CSTPP1: variants seen among roughly 807,000 people sequenced by gnomAD.
The protein encoded by CSTPP1 is centriolar satellite-associated tubulin polyglutamylase complex regulator 1, also known as UPF0705 protein C11orf49.
At chr11:47,129,928 C>A in the CSTPP1 span, among the ~76,000 whole-genome samples, 15 of 152,126 alleles carry the variant, frequency 9.9e-5, no homozygotes, top group Non-Finnish European at 1.5e-5. Flanking sequence ...AAATACATTT[C>A]TAGCTTGGTG....
the CSTPP1 span, among the ~76,000 whole-genome samples, chr11:47,102,774 G>C: frequency 1.3e-5 from 2 of 152,288 alleles, no homozygotes; most frequent in East Asian, 3.9e-4. Flanking sequence ...GAGAGGAACT[G>C]AGTTCATAGA....
the CSTPP1 span, chr11:47,156,991 C>T: frequency 6.2e-7 from 1 of 1,611,366 alleles, no homozygotes; most frequent in Non-Finnish European, 8.5e-7. Flanking sequence ...CCTGAGCCGT[C>T]CACACCCACA....
At chr11:47,105,653 G>A in the CSTPP1 span, among the ~76,000 whole-genome samples, 1 of 152,210 alleles carries the variant, frequency 6.6e-6, no homozygotes, top group Non-Finnish European at 1.5e-5. Context: ...AGATGAGGAA[G>A]TTGAAACTCA....
the CSTPP1 span, among the ~76,000 whole-genome samples, chr11:47,138,214 G>C: frequency 6.6e-6 from 1 of 152,192 alleles, no homozygotes; most frequent in East Asian, 1.9e-4. Flanking sequence ...TCACATGGTG[G>C]TAGGAGAGAG....
chr11:46,959,466 A>G, the CSTPP1 span, among the ~76,000 whole-genome samples: 1 of 152,126 alleles, frequency 6.6e-6, no homozygotes, highest in Non-Finnish European at 1.5e-5. Context: ...TAAACCTTTA[A>G]TTTTAAACCT....
the CSTPP1 span, among the ~76,000 whole-genome samples, chr11:47,040,840 G>T: frequency 2.4e-5 from 3 of 126,856 alleles, no homozygotes; most frequent in Admixed American, 8.5e-5. Flanking sequence ...AGACCACAGG[G>T]TCATTCTCAG....
the CSTPP1 span, among the ~76,000 whole-genome samples, chr11:47,036,034 G>GATATATATATATATAT: frequency 2.9e-3 from 74 of 25,358 alleles, 5 homozygotes; most frequent in African/African-American, 4.7e-3. Flanking sequence ...GGAGTGAAAA[G>GATATATATATATATAT]ATATATATAT....
the CSTPP1 span, among the ~76,000 whole-genome samples, chr11:47,118,799 A>C: frequency 6.6e-6 from 1 of 152,130 alleles, no homozygotes; most frequent in Non-Finnish European, 1.5e-5. Context: ...AGAACAGCAA[A>C]TATTGCTGCC....
chr11:47,040,431 C>A, the CSTPP1 span, among the ~76,000 whole-genome samples: 3 of 126,568 alleles, frequency 2.4e-5, 1 homozygote, highest in Non-Finnish European at 5.6e-5. Context: ...AGACTCCCTC[C>A]CTGCTTCCTG....
chr11:47,156,529 G>A, the CSTPP1 span, among the ~76,000 whole-genome samples: 1 of 152,242 alleles, frequency 6.6e-6, no homozygotes, highest in Non-Finnish European at 1.5e-5. Context: ...GAGGTAGAGA[G>A]GCAGGTGGCC....
chr11:47,037,850 A>C, the CSTPP1 span, among the ~76,000 whole-genome samples: 1 of 127,024 alleles, frequency 7.9e-6, no homozygotes, highest in African/African-American at 2.5e-5. Context: ...CCCCCTTTCT[A>C]TTCCACAAAA....
the CSTPP1 span, among the ~76,000 whole-genome samples, chr11:47,016,967 C>T: frequency 5.7e-4 from 85 of 149,760 alleles, no homozygotes; most frequent in African/African-American, 1.9e-3. Context: ...CTCAGCCTCC[C>T]GAGTAGCTGG....
At chr11:47,144,866 G>A in the CSTPP1 span, among the ~76,000 whole-genome samples, 10 of 151,798 alleles carry the variant, frequency 6.6e-5, no homozygotes, top group East Asian at 1.4e-3. Flanking sequence ...CATCCCCAGA[G>A]TTCAGTAGGT....
At chr11:47,126,466 TAAA>T in the CSTPP1 span, among the ~76,000 whole-genome samples, 4 of 151,530 alleles carry the variant, frequency 2.6e-5, no homozygotes, top group African/African-American at 9.7e-5. Flanking sequence ...CTAGAAAAAA[TAAA>T]AATGAAAAAA....
the CSTPP1 span, among the ~76,000 whole-genome samples, chr11:47,133,440 C>G: frequency 1.3e-5 from 2 of 152,180 alleles, no homozygotes; most frequent in Non-Finnish European, 2.9e-5. Flanking sequence ...TACTGATACA[C>G]AATACTTACC....
the CSTPP1 span, among the ~76,000 whole-genome samples, chr11:46,955,958 G>C: frequency 1.3e-5 from 2 of 148,358 alleles, no homozygotes; most frequent in Non-Finnish European, 3.0e-5. Context: ...CTGCACTCCA[G>C]CCTGGGCGAC....
At chr11:47,010,009 C>T in the CSTPP1 span, among the ~76,000 whole-genome samples, 1 of 152,056 alleles carries the variant, frequency 6.6e-6, no homozygotes, top group African/African-American at 2.4e-5. Flanking sequence ...GATAGTGACA[C>T]AAATACAATT....
At chr11:47,043,588 A>G in the CSTPP1 span, among the ~76,000 whole-genome samples, 1 of 152,208 alleles carries the variant, frequency 6.6e-6, no homozygotes, top group African/African-American at 2.4e-5. Flanking sequence ...ATGAACTTAT[A>G]CGCTGAAATT....
chr11:47,097,423 C>G, the CSTPP1 span, among the ~76,000 whole-genome samples: 3 of 54,194 alleles, frequency 5.5e-5, no homozygotes, highest in Admixed American at 1.6e-4. Context: ...CCCCTCTGCC[C>G]GGCCAGCCGC....
Sources: gnomAD v4.1 joint callset for allele counts (sites outside exome capture counted in the v4.1 genomes callset) on GRCh38, gnomAD v4.1.1 for gene constraint, MANE v1.5 for transcripts, NCBI Gene and HGNC (gene_info 2026-07-23, HGNC 2026-07-21) for gene names.